The following ALG8 variants were observed in gnomAD, a reference collection of about 807,000 sequenced individuals.
The protein encoded by ALG8 is ALG8 alpha-1,3-glucosyltransferase.
In ALG8, 48 loss-of-function variants were observed where a neutral mutation model predicts 70.2. The ratio of observed to expected loss-of-function variants is 0.68; its 90% CI spans 0.54 to 0.87. The LOEUF (loss-of-function observed/expected upper bound fraction) is 0.87. Among genes scored for constraint, ALG8 ranks in the 40% least tolerant of loss-of-function variants. ALG8 has a pLI of 0.00. For missense variants in ALG8, 572 were observed against 608.7 expected (o/e 0.94, Z 0.64); for synonymous variants, 234 against 229.0 (o/e 1.02, Z -0.20).
Position 78,127,285 on chromosome 11 carries a change from T to C in ALG8, c.174+73A>G. ...AGCCACCGCACCCAGCCAGAAAACA[T>C]TTTTAATATCAGTAATATTTACCTA... On this transcript the variant is annotated intron_variant, in intron 2 of 12. Transcript: ENST00000299626. The C allele has an allele frequency of 6.4e-6, 9 of 1,395,464 alleles. No individual in the cohort carries two copies. In the South Asian group the frequency reaches 9.7e-5, roughly 15 times the overall value. 86.4% of individuals were successfully genotyped at this position (1,395,464 alleles called of 1,614,324 possible). A position where few individuals can be genotyped will look rare whatever the true frequency, so the allele number is the denominator to read the frequency against.
chr11:78,113,694 C>T (rs1860407116), intron 7 of ALG8, among the ~76,000 whole-genome samples, 192 bp downstream of exon 7: 1 of 135,912 alleles, frequency 7.4e-6, no homozygotes, highest in Non-Finnish European at 1.5e-5. Context: ...GCCTGGGCGA[C>T]ACAGTGAGAC....
In ALG8 at chr11:78,121,188, T is replaced by C. The variant is rs1194320104; in HGVS notation, c.369-14A>G. On this transcript the variant is annotated splice_polypyrimidine_tract_variant and intron_variant, in intron 3 of 12. Transcript: ENST00000299626. Reference sequence around the variant, plus strand: ...CATTTACAGCACCTACATTGAAACATTAGGAAAGAAACAGAAACAACTTTG... The same window carrying C: ...CATTTACAGCACCTACATTGAAACACTAGGAAAGAAACAGAAACAACTTTG... The C allele has an allele frequency of 6.3e-7, 1 of 1,579,476 alleles. No homozygotes were observed. Among genetic ancestry groups the C allele is most frequent in the African/African-American group, 1.3e-5 (1 of 74,254 alleles).
In ALG8 at chr11:78,105,582, C is replaced by T. The variant is rs1249168152; in HGVS notation, c.1179-1129G>A. 2.0e-5 allele frequency among the ~76,000 whole-genome samples: 3 copies of T among 149,872 alleles called. No individual in the cohort carries two copies. In the East Asian group the frequency reaches 5.9e-4, roughly 29 times the overall value. ...ACTTTGGGAGGCTGAGGTAGGAAGACTGCTTGTGCCCAGTAGTTTGAGACC... is the reference window on the plus strand; with the variant it reads ...ACTTTGGGAGGCTGAGGTAGGAAGATTGCTTGTGCCCAGTAGTTTGAGACC... On this transcript the variant is annotated intron_variant, in intron 10 of 12. Coordinates refer to ENST00000299626, the MANE Select transcript of ALG8 (RefSeq NM_024079.5).
chr11:78,135,496 G>A (rs1307719704), intron 1 of ALG8: 3 of 152,140 alleles, frequency 2.0e-5, no homozygotes, highest in African/African-American at 7.2e-5. Flanking sequence ...AGGATTGCTT[G>A]AGCCTAGGAA....
chr11:78,117,932 G>A (rs927071062), intron 5 of ALG8, among the ~76,000 whole-genome samples: 6 of 151,494 alleles, frequency 4.0e-5, no homozygotes, highest in Non-Finnish European at 5.9e-5. Flanking sequence ...TTAGCCGGGC[G>A]TGGTGGCAGG....
chr11:78,123,272 T>C (rs1683216), intron 3 of ALG8, among the ~76,000 whole-genome samples: 96,095 of 142,510 alleles, frequency 0.67, 32,627 homozygotes, highest in African/African-American at 0.82. Context: ...CACAATACTC[T>C]AGCCTGGGCG....
intron 5 of ALG8, 40 bp from the exon 6 acceptor site, chr11:78,114,432 G>T: frequency 1.9e-6 from 3 of 1,609,088 alleles, no homozygotes; most frequent in East Asian, 2.2e-5. Context: ...TAAAATTCAG[G>T]GTAAATGAAA....
chr11:78,115,168 G>A (rs912335545), intron 5 of ALG8, among the ~76,000 whole-genome samples: 1 of 152,136 alleles, frequency 6.6e-6, no homozygotes. Flanking sequence ...GAGTAGCTGG[G>A]ACTACAGGCG....
intron 5 of ALG8, among the ~76,000 whole-genome samples, chr11:78,116,538 C>T (rs752925077): frequency 5.9e-5 from 9 of 151,806 alleles, no homozygotes; most frequent in African/African-American, 9.7e-5. Context: ...GCTAACATGG[C>T]GAAACCCCGT....
chr11:78,129,739 G>T (rs1354209944), intron 1 of ALG8, among the ~76,000 whole-genome samples: 1 of 152,178 alleles, frequency 6.6e-6, no homozygotes, highest in African/African-American at 2.4e-5. Context: ...ATTTGTGCTT[G>T]TATATTCTTG....
At chr11:78,119,309 CT>C (rs1230312922) in intron 4 of ALG8, 60 bp from the exon 5 acceptor site, 2 of 1,220,204 alleles carry the variant, frequency 1.6e-6, no homozygotes, top group African/African-American at 3.0e-5. Flanking sequence ...ACTATACCAG[CT>C]GATGGAGTAT....
Position 78,124,169 on chromosome 11 carries a change from A to G in ALG8, c.220T>C (p.Phe74Leu). 6.2e-7 allele frequency: 1 copy of G among 1,614,212 alleles called. No homozygotes were observed. The highest frequency in any genetic ancestry group is 8.5e-7 in the Non-Finnish European group (1 of 1,180,040). Residue 74 changes from phenylalanine to leucine, a missense_variant, in exon 3 of 13, where the codon TTT becomes CTT. Physicochemically the swap from Phe to Leu is conservative, Grantham distance 22. Transcript: ENST00000299626. Reference protein sequence around the residue: ...TLDYPPFFAWFEYILSHVAKY... With the variant: ...TLDYPPFFAWLEYILSHVAKY... ...GCAACATGTGACAGGATATACTCAA[A>G]CCATGCAAAGAAAGGGGGGTAATCC... is the stretch of plus-strand genomic sequence containing the variant.
chr11:78,106,409 G>C (rs993193992), intron 10 of ALG8, among the ~76,000 whole-genome samples: 1 of 152,164 alleles, frequency 6.6e-6, no homozygotes, highest in African/African-American at 2.4e-5. Flanking sequence ...ATGTTAGCCA[G>C]GATAGTCTCG....
In ALG8 at chr11:78,101,094, T is replaced by C; in HGVS notation, c.1451A>G (p.Lys484Arg). The C allele has an allele frequency of 2.5e-6, 4 of 1,614,198 alleles. No individual in the cohort carries two copies. The highest frequency in any genetic ancestry group is 3.4e-6 in the Non-Finnish European group (4 of 1,180,034). ...CEFVFPFTSW[K>R]VKYPFIPLLL... ...CAAAGGGATGAAGGGGTACTTCACC[T>C]TCCAGGAGGTGAAAGGGAATACAAA... Residue 484 changes from lysine to arginine, a missense_variant, in exon 13 of 13, where the codon AAG becomes AGG. Transcript: ENST00000299626.
chr11:78,121,050 G>T lies in ALG8; in HGVS notation c.478+15C>A. On this transcript the variant is annotated intron_variant, in intron 4 of 12. Coordinates refer to ENST00000299626, the MANE Select transcript of ALG8 (RefSeq NM_024079.5). ...AGAATTAGTAAGGGAATAGTACATA[G>T]AATATCAAGGATACGGTCCACAATT... 1 of 1,572,476 alleles carries T rather than the reference G, an allele frequency of 6.4e-7. No homozygotes were observed. The highest frequency in any genetic ancestry group is 8.8e-7 in the Non-Finnish European group (1 of 1,142,528).
At chr11:78,118,741 C>G (rs753990134) in intron 5 of ALG8, among the ~76,000 whole-genome samples, 1 of 151,736 alleles carries the variant, frequency 6.6e-6, no homozygotes, top group African/African-American at 2.4e-5. Context: ...GTCAGGAGTT[C>G]GAGCCAACAT....
intron 10 of ALG8, chr11:78,104,684 C>A (rs1056684398): frequency 4.4e-6 from 2 of 450,344 alleles, no homozygotes; most frequent in East Asian, 4.3e-5. Context: ...TTGCTTCTGG[C>A]CGGGGACAGT....
In ALG8 at chr11:78,101,161, A is replaced by C. The variant is rs1859779343; in HGVS notation, c.1384T>G (p.Phe462Val). 6.2e-7 allele frequency: 1 copy of C among 1,614,084 alleles called. No individual in the cohort carries two copies. The highest frequency in any genetic ancestry group is 1.3e-5 in the African/African-American group (1 of 74,944). The change falls in exon 13 of 13, where the codon TTC becomes GTC. Residue 462 changes from phenylalanine (F) to valine (V), a missense_variant. Phe to Val is a conservative substitution (Grantham distance 50). Transcript: ENST00000299626. Reference sequence around the variant, plus strand: ...AGAGGCCCCAGGCCAAGCAGGTAGAAAGTTTCCATCCAATTAAAAAGAGGT... The same window carrying C: ...AGAGGCCCCAGGCCAAGCAGGTAGACAGTTTCCATCCAATTAAAAAGAGGT... ...EKPLFNWMET[F>V]YLLGLGPLEV...
At chr11:78,138,560 C>T (rs1398695680) in intron 1 of ALG8, 1 of 369,196 alleles carries the variant, frequency 2.7e-6, no homozygotes, top group African/African-American at 2.1e-5. Context: ...AACAAGAGAT[C>T]ACCAAGAGCC....
Sources: gnomAD v4.1 joint callset for allele counts (sites outside exome capture counted in the v4.1 genomes callset) on GRCh38, gnomAD v4.1.1 for gene constraint, MANE v1.5 for transcripts, NCBI Gene and HGNC (gene_info 2026-07-23, HGNC 2026-07-21) for gene names.